Variants in PDSS2 observed in about 807,000 individuals in gnomAD.
The protein encoded by PDSS2 is decaprenyl diphosphate synthase subunit 2.
Under a neutral mutation model 44.5 loss-of-function variants are expected in PDSS2, and 31 were observed. The ratio of observed to expected loss-of-function variants is 0.70; its 90% CI spans 0.52 to 0.94. The LOEUF is 0.94. Ranked by LOEUF, PDSS2 falls within the 40% of genes least tolerant of loss-of-function variation. The probability of loss-of-function intolerance (pLI) is 0.00; values close to 1 mark genes in which losing one functional copy is unlikely to be tolerated. For missense variants in PDSS2, 452 were observed against 482.2 expected (o/e 0.94, Z 0.59); for synonymous variants, 157 against 180.3 (o/e 0.87, Z 1.03).
intron 1 of PDSS2, among the ~76,000 whole-genome samples, chr6:107,409,139 C>T (rs1357325449): frequency 6.6e-6 from 1 of 152,198 alleles, no homozygotes; most frequent in African/African-American, 2.4e-5. Context: ...AACTGCAGAA[C>T]ACTGGAAGAA....
intron 1 of PDSS2, among the ~76,000 whole-genome samples, chr6:107,338,518 T>A (rs1777978407): frequency 6.6e-6 from 1 of 152,232 alleles, no homozygotes; most frequent in Non-Finnish European, 1.5e-5. Flanking sequence ...TATAGTAGTC[T>A]GGATTTAAAA....
At chr6:107,301,066 G>A (rs1386722605) in intron 2 of PDSS2, among the ~76,000 whole-genome samples, 1 of 152,200 alleles carries the variant, frequency 6.6e-6, no homozygotes, top group Non-Finnish European at 1.5e-5. Context: ...TTTCATCCGA[G>A]TGAACACACA....
intron 1 of PDSS2, among the ~76,000 whole-genome samples, chr6:107,450,925 C>T (rs1041129310): frequency 4.6e-5 from 7 of 152,172 alleles, no homozygotes; most frequent in African/African-American, 7.2e-5. Context: ...CCAACTTCCG[C>T]GCTCAAGTGA....
intron 7 of PDSS2, among the ~76,000 whole-genome samples, chr6:107,159,759 A>G (rs1166366018): frequency 1.3e-5 from 2 of 152,094 alleles, no homozygotes; most frequent in African/African-American, 4.8e-5. Flanking sequence ...AATTGATATT[A>G]GGCAGACCAA....
At chr6:107,208,551 C>T (rs1773086463) in intron 6 of PDSS2, among the ~76,000 whole-genome samples, 1 of 151,146 alleles carries the variant, frequency 6.6e-6, no homozygotes, top group South Asian at 2.1e-4. Context: ...CCCCCTTGGC[C>T]TCCCAAGTGC....
intron 1 of PDSS2, among the ~76,000 whole-genome samples, chr6:107,436,977 C>T (rs945392703): frequency 6.6e-6 from 1 of 152,028 alleles, no homozygotes; most frequent in African/African-American, 2.4e-5. Flanking sequence ...GAAATGGGTG[C>T]TGACTGCCTC....
In PDSS2 at chr6:107,254,019, TTTTC is replaced by T. The variant is rs1211544556; in HGVS notation, c.631-8404_631-8401del. Among the ~76,000 whole-genome samples the T allele has an allele frequency of 8.6e-4, 130 of 151,046 alleles. 2 individuals are homozygous for T. The highest frequency in any genetic ancestry group is 4.7e-3 in the East Asian group (24 of 5,074). ...TCTCTATGAAGCAATTTTCTTTTCTTTTTCTTTCTTTCTTTCTTTTTTTTTTTTT... is the reference window on the plus strand; with the variant it reads ...TCTCTATGAAGCAATTTTCTTTTCTTTTTCTTTCTTTCTTTTTTTTTTTTT... On this transcript the variant is annotated intron_variant, in intron 3 of 7. Coordinates refer to ENST00000369037, the MANE Select transcript of PDSS2 (RefSeq NM_020381.4).
chr6:107,434,156 G>T (rs1688626498), intron 1 of PDSS2, among the ~76,000 whole-genome samples: 1 of 152,174 alleles, frequency 6.6e-6, no homozygotes, highest in Admixed American at 6.5e-5. Flanking sequence ...ACGACTAGTG[G>T]GCATGTAAAT....
At chr6:107,182,496 T>C (rs973565461) in intron 7 of PDSS2, among the ~76,000 whole-genome samples, 1 of 152,176 alleles carries the variant, frequency 6.6e-6, no homozygotes. Flanking sequence ...GGCTAATTTT[T>C]GTATCTGTAG....
intron 2 of PDSS2, among the ~76,000 whole-genome samples, chr6:107,300,912 C>G (rs1776672848): frequency 6.6e-6 from 1 of 152,150 alleles, no homozygotes; most frequent in Non-Finnish European, 1.5e-5. Flanking sequence ...CAGAAAACTA[C>G]TGACATTTAC....
At chr6:107,284,752 A>G (rs1356876738) in intron 2 of PDSS2, among the ~76,000 whole-genome samples, 1 of 152,174 alleles carries the variant, frequency 6.6e-6, no homozygotes, top group African/African-American at 2.4e-5. Flanking sequence ...TAAATGCCAG[A>G]TATGTCACTT....
intron 2 of PDSS2, among the ~76,000 whole-genome samples, chr6:107,303,541 AATGCTATGC>A (rs1776762907): frequency 6.6e-6 from 1 of 152,230 alleles, no homozygotes; most frequent in Non-Finnish European, 1.5e-5. Flanking sequence ...CCATGGAACA[AATGCTATGC>A]ATTTTTCCAT....
chr6:107,244,112 G>A lies in PDSS2; in HGVS notation c.702+1436C>T, dbSNP rs141411372. Among the ~76,000 whole-genome samples the A allele has an allele frequency of 9.4e-3, 1,439 of 152,282 alleles. 25 individuals are homozygous for A. The highest frequency in any genetic ancestry group is 0.031 in the African/African-American group (1,295 of 41,546). On this transcript the variant is annotated intron_variant, in intron 4 of 7. Transcript: ENST00000369037. ...CATTGCACTCCAGCCTGGGCAACAA[G>A]AGCGAAACTCCATCTCAAAAAAACA...
chr6:107,228,056 A>G (rs1019494744), intron 4 of PDSS2, among the ~76,000 whole-genome samples: 3 of 152,204 alleles, frequency 2.0e-5, no homozygotes, highest in African/African-American at 7.2e-5. Flanking sequence ...TACATGCCTA[A>G]TAGTGATGTT....
chr6:107,311,746 C>A (rs1777053225), intron 2 of PDSS2, among the ~76,000 whole-genome samples: 1 of 152,164 alleles, frequency 6.6e-6, no homozygotes, highest in Non-Finnish European at 1.5e-5. Flanking sequence ...CTCTGTAGAT[C>A]TTGGCTAAAT....
At chr6:107,328,566 G>A (rs1002195099) in intron 2 of PDSS2, among the ~76,000 whole-genome samples, 5 of 151,992 alleles carry the variant, frequency 3.3e-5, no homozygotes, top group African/African-American at 9.7e-5. Context: ...GTGAGCCACC[G>A]TGCCCAGCCT....
chr6:107,358,793 C>T (rs886279342), intron 1 of PDSS2, among the ~76,000 whole-genome samples: 1 of 151,904 alleles, frequency 6.6e-6, no homozygotes, highest in African/African-American at 2.4e-5. Flanking sequence ...TAGTAGCATC[C>T]CTAACCTTTA....
chr6:107,398,493 A>G (rs1175635047), intron 1 of PDSS2, among the ~76,000 whole-genome samples: 2 of 152,216 alleles, frequency 1.3e-5, no homozygotes, highest in Non-Finnish European at 2.9e-5. Flanking sequence ...TATAAGCCAC[A>G]AAAGCAAAAT....
intron 7 of PDSS2, among the ~76,000 whole-genome samples, chr6:107,178,458 G>C (rs960526192): frequency 1.2e-4 from 18 of 152,150 alleles, no homozygotes; most frequent in African/African-American, 4.3e-4. Flanking sequence ...ATCAGAGTTT[G>C]TTTTAAATGG....
Sources: gnomAD v4.1 joint callset for allele counts (sites outside exome capture counted in the v4.1 genomes callset) on GRCh38, gnomAD v4.1.1 for gene constraint, MANE v1.5 for transcripts, NCBI Gene and HGNC (gene_info 2026-07-23, HGNC 2026-07-21) for gene names.